Variants in FAM227B observed in about 807,000 individuals in gnomAD.
FAM227B encodes the protein protein FAM227B.
In FAM227B, 88 loss-of-function variants were observed where a neutral mutation model predicts 73.8. The ratio of observed to expected loss-of-function variants is 1.19; its 90% CI spans 1.00 to 1.42. FAM227B has a LOEUF of 1.42. FAM227B is among the 40% of genes most tolerant of loss of function. The pLI is 0.00. For missense variants in FAM227B, 632 were observed against 590.9 expected, an observed-to-expected ratio of 1.07 and a Z score of -0.72; for synonymous variants, 210 against 190.5, an observed-to-expected ratio of 1.10 and a Z score of -0.84.
chr15:49,349,587 G>GT (rs1288231329), intron 13 of FAM227B, among the ~76,000 whole-genome samples: 3 of 152,148 alleles, frequency 2.0e-5, no homozygotes, highest in African/African-American at 7.2e-5. Flanking sequence ...TGGGAGTCAA[G>GT]TAGGGGAGTT....
chr15:49,550,792 T>C (rs1190261286), intron 9 of FAM227B, among the ~76,000 whole-genome samples: 1 of 141,832 alleles, frequency 7.1e-6, no homozygotes, highest in Admixed American at 7.1e-5. Context: ...CTCCTCACTT[T>C]CCAGACTGAG....
At chr15:49,523,053 G>GA (rs893818552) in intron 10 of FAM227B, among the ~76,000 whole-genome samples, 33 of 152,042 alleles carry the variant, frequency 2.2e-4, no homozygotes, top group Non-Finnish European at 3.2e-4. Flanking sequence ...CAATGTGAAA[G>GA]AAAAAATCTT....
chr15:49,551,537 G>GT (rs2073023399), intron 9 of FAM227B, among the ~76,000 whole-genome samples: 1 of 152,070 alleles, frequency 6.6e-6, no homozygotes, highest in African/African-American at 2.4e-5. Context: ...AATGAGTCTT[G>GT]TTTTTTCATC....
At position 49,367,462 on chromosome 15, in the gene FAM227B, C is replaced by A. The variant is rs768743764; in HGVS notation, c.1257G>T (p.Lys419Asn). 3 of 1,587,934 alleles carry A rather than the reference C, an allele frequency of 1.9e-6. No homozygotes were observed. The East Asian group carries it at 6.8e-5, about 36-fold the overall frequency. ...AAAAAGGATATGGTTCCTGGAATATCTTAGTGAGTTTAATCTTGGTTTTCT... is the reference window on the plus strand; with the variant it reads ...AAAAAGGATATGGTTCCTGGAATATATTAGTGAGTTTAATCTTGGTTTTCT... Reference protein sequence around the residue: ...APKKTKIKLTKIFQEPLPAPT... With the variant: ...APKKTKIKLTNIFQEPLPAPT... Residue 419 changes from lysine (K) to asparagine (N), a missense_variant, in exon 13 of 16, where the codon AAG (lysine) becomes AAT (asparagine). Lys to Asn is a moderately conservative substitution (Grantham distance 94, BLOSUM62 0). Coordinates refer to ENST00000299338, the MANE Select transcript of FAM227B (RefSeq NM_152647.3).
At chr15:49,583,508 G>A (rs547619965) in intron 5 of FAM227B, among the ~76,000 whole-genome samples, 43 of 152,100 alleles carry the variant, frequency 2.8e-4, no homozygotes, top group South Asian at 1.5e-3. Flanking sequence ...TCTAAAAAGG[G>A]GAGGCATGAA....
In FAM227B at chr15:49,588,027, T is replaced by C. The variant is rs1311049085; in HGVS notation, c.394A>G (p.Lys132Glu). Residue 132 changes from lysine (K) to glutamate (E), a missense_variant, in exon 5 of 16, where the codon AAA becomes GAA. Transcript: ENST00000299338. ...GEFLKKYHKK[K>E]KIMLSDEMET... ...CATAGATACCATACCATTATCTTTT[T>C]TTTCTTATGGTACTTCTTTAGAAAT... 6.9e-7 allele frequency: 1 copy of C among 1,452,568 alleles called. No homozygotes were observed. The highest frequency in any genetic ancestry group is 1.4e-5 in the South Asian group (1 of 70,920). 90.0% of individuals were successfully genotyped at this position (1,452,568 alleles called of 1,614,324 possible).
intron 11 of FAM227B, among the ~76,000 whole-genome samples, chr15:49,398,455 C>A (rs1294848682): frequency 3.6e-4 from 45 of 126,668 alleles, no homozygotes; most frequent in African/African-American, 1.3e-3. Flanking sequence ...AGAAAGTCAA[C>A]AAGGATACCC....
intron 11 of FAM227B, among the ~76,000 whole-genome samples, chr15:49,438,846 T>C (rs373650863): frequency 8.4e-6 from 1 of 119,044 alleles, no homozygotes; most frequent in South Asian, 2.9e-4. Flanking sequence ...AGAGAGAGAG[T>C]GGGTGGTAAG....
At chr15:49,524,887 A>C (rs1352236730) in intron 10 of FAM227B, among the ~76,000 whole-genome samples, 1 of 152,010 alleles carries the variant, frequency 6.6e-6, no homozygotes, top group African/African-American at 2.4e-5. Flanking sequence ...GTTTTGGCCA[A>C]TTTCTCCCAT....
At chr15:49,585,859 A>T (rs114832740) in intron 5 of FAM227B, among the ~76,000 whole-genome samples, 2,582 of 152,128 alleles carry the variant, frequency 0.017, 36 homozygotes, top group Middle Eastern at 0.037. Flanking sequence ...ATTAAATTAA[A>T]TTGAAAAGAA....
chr15:49,390,949 C>T (rs988948171), intron 11 of FAM227B, among the ~76,000 whole-genome samples: 2 of 151,774 alleles, frequency 1.3e-5, no homozygotes, highest in Admixed American at 1.3e-4. Flanking sequence ...AAGAACTGTC[C>T]TTAGGAAGAC....
At chr15:49,378,897 T>C (rs1207818868) in intron 11 of FAM227B, among the ~76,000 whole-genome samples, 2 of 152,150 alleles carry the variant, frequency 1.3e-5, no homozygotes, top group African/African-American at 2.4e-5. Context: ...GAGCTTTTAG[T>C]TTTTCCTCAC....
At chr15:49,417,217 T>C (rs1362481730) in intron 11 of FAM227B, among the ~76,000 whole-genome samples, 3 of 151,658 alleles carry the variant, frequency 2.0e-5, no homozygotes, top group Non-Finnish European at 4.4e-5. Context: ...CAAGGAAAAA[T>C]CCTGTCTTTG....
rs75565579 is a variant in FAM227B at position 49,560,349 on chromosome 15, G to T, written c.747+7896C>A. On this transcript the variant is annotated intron_variant, in intron 9 of 15. Transcript: ENST00000299338. Reference sequence around the variant, plus strand: ...GAAATAAAAAATAATTAAGAAAAATGAACAAAGTATCAAAAAAATGGTATT... The same window carrying T: ...GAAATAAAAAATAATTAAGAAAAATTAACAAAGTATCAAAAAAATGGTATT... Among the ~76,000 whole-genome samples, 829 of 152,168 alleles carry T rather than the reference G, an allele frequency of 5.4e-3. 10 individuals carry two copies. The highest frequency in any genetic ancestry group is 0.019 in the African/African-American group (797 of 41,526).
intron 9 of FAM227B, among the ~76,000 whole-genome samples, chr15:49,555,917 C>T (rs1332995188): frequency 6.6e-6 from 1 of 152,122 alleles, no homozygotes; most frequent in Non-Finnish European, 1.5e-5. Flanking sequence ...TTAAAAATGG[C>T]CATTTTGTCT....
At chr15:49,521,329 T>C (rs2059772553) in intron 10 of FAM227B, among the ~76,000 whole-genome samples, 1 of 152,162 alleles carries the variant, frequency 6.6e-6, no homozygotes, top group African/African-American at 2.4e-5. Flanking sequence ...GTGCAGCCCA[T>C]TAAAGTGCCC....
At chr15:49,390,185 G>A (rs1235517749) in intron 11 of FAM227B, among the ~76,000 whole-genome samples, 3 of 151,852 alleles carry the variant, frequency 2.0e-5, no homozygotes, top group Non-Finnish European at 4.4e-5. Context: ...ACCACTATAC[G>A]GGCCACCCAA....
chr15:49,365,326 A>C, intron 13 of FAM227B: 1 of 1,567,856 alleles, frequency 6.4e-7, no homozygotes, highest in East Asian at 2.2e-5. Flanking sequence ...GCACCAGAAC[A>C]ACAAATGTAA....
intron 13 of FAM227B, among the ~76,000 whole-genome samples, chr15:49,362,365 G>A (rs1420125338): frequency 1.3e-5 from 2 of 152,160 alleles, no homozygotes; most frequent in Non-Finnish European, 2.9e-5. Context: ...ATTCTGCTGT[G>A]ATTGTAAGTT....
Sources: allele counts gnomAD v4.1 joint callset (sites outside exome capture counted in the v4.1 genomes callset), GRCh38; gene constraint gnomAD v4.1.1; transcripts MANE v1.5; gene names NCBI Gene and HGNC (gene_info 2026-07-23, HGNC 2026-07-21).